RPS6KC1: variants seen among roughly 807,000 people sequenced by gnomAD.
RPS6KC1 encodes inactive ribosomal protein S6 kinase delta-1.
Under a neutral mutation model 103.8 loss-of-function variants are expected in RPS6KC1, and 54 were observed. The observed-to-expected ratio is 0.52, with a 90% CI of 0.42 to 0.65. RPS6KC1 has a LOEUF of 0.65. RPS6KC1 is among the 30% of genes least tolerant of loss of function. The pLI is 0.00. For missense variants in RPS6KC1, 1,151 were observed against 1,253.8 expected (o/e 0.92, Z 1.24); for synonymous variants, 439 against 438.7 (o/e 1.00, Z -0.01).
the RPS6KC1 span, among the ~76,000 whole-genome samples, chr1:213,344,265 T>C: frequency 6.6e-6 from 1 of 152,174 alleles, no homozygotes; most frequent in African/African-American, 2.4e-5. Context: ...CCAAGAGGAA[T>C]GTTTTTAAGA....
the RPS6KC1 span, among the ~76,000 whole-genome samples, chr1:213,610,407 C>T: frequency 1.3e-4 from 20 of 152,216 alleles, no homozygotes; most frequent in African/African-American, 4.8e-4. Context: ...AGCACTGAGA[C>T]GTGGAAGAGT....
At chr1:213,251,556 T>C (rs182698272) in intron 12 of RPS6KC1, among the ~76,000 whole-genome samples, 180 of 152,322 alleles carry the variant, frequency 1.2e-3, no homozygotes, top group African/African-American at 3.2e-3. Context: ...CCTGGAATAG[T>C]GCAGTCAGCT....
At chr1:213,376,326 A>G in the RPS6KC1 span, among the ~76,000 whole-genome samples, 1 of 152,126 alleles carries the variant, frequency 6.6e-6, no homozygotes, top group African/African-American at 2.4e-5. Context: ...TGCATTTTGA[A>G]TTATTGCATT....
chr1:213,527,551 C>G, the RPS6KC1 span, among the ~76,000 whole-genome samples: 1 of 152,120 alleles, frequency 6.6e-6, no homozygotes, highest in Non-Finnish European at 1.5e-5. Context: ...ACTAAGGAAG[C>G]TTATATGCTA....
intron 10 of RPS6KC1, among the ~76,000 whole-genome samples, chr1:213,237,541 G>C (rs2094250209): frequency 6.6e-6 from 1 of 151,760 alleles, no homozygotes; most frequent in Admixed American, 6.6e-5. Flanking sequence ...TGTATTTTTT[G>C]AGAATTATAT....
intron 6 of RPS6KC1, among the ~76,000 whole-genome samples, chr1:213,158,549 A>G (rs2090148439): frequency 6.6e-6 from 1 of 152,264 alleles, no homozygotes; most frequent in South Asian, 2.1e-4. Context: ...TATTCAGGGA[A>G]AGCAAAGTTT....
the RPS6KC1 span, among the ~76,000 whole-genome samples, chr1:213,657,292 GAA>G: frequency 6.6e-6 from 1 of 152,026 alleles, no homozygotes; most frequent in Non-Finnish European, 1.5e-5. Context: ...GGTAGTGAAT[GAA>G]AAAGAGATTG....
chr1:213,324,893 G>C, the RPS6KC1 span, among the ~76,000 whole-genome samples: 1 of 151,930 alleles, frequency 6.6e-6, no homozygotes, highest in African/African-American at 2.4e-5. Context: ...GTGTACACAT[G>C]GGGGGCAGAT....
chr1:213,254,721 A>G (rs1003203892), intron 12 of RPS6KC1, among the ~76,000 whole-genome samples: 1 of 152,232 alleles, frequency 6.6e-6, no homozygotes, highest in Non-Finnish European at 1.5e-5. Flanking sequence ...ACAAAAATCC[A>G]GGATTCTTTG....
intron 3 of RPS6KC1, among the ~76,000 whole-genome samples, chr1:213,099,439 A>C (rs149717072): frequency 6.6e-6 from 1 of 152,230 alleles, no homozygotes; most frequent in Non-Finnish European, 1.5e-5. Context: ...TAAAGTGCAG[A>C]TACCAGTGTC....
the RPS6KC1 span, among the ~76,000 whole-genome samples, chr1:213,461,578 A>C: frequency 6.6e-6 from 1 of 152,226 alleles, no homozygotes; most frequent in East Asian, 1.9e-4. Context: ...GTACCAAAAC[A>C]GATATGTAGA....
At chr1:213,062,574 T>G (rs2077938925) in intron 1 of RPS6KC1, among the ~76,000 whole-genome samples, 1 of 151,990 alleles carries the variant, frequency 6.6e-6, no homozygotes, top group African/African-American at 2.4e-5. Flanking sequence ...CTTTTTTTTT[T>G]TGGGGCGGAG....
At chr1:213,365,454 G>A in the RPS6KC1 span, among the ~76,000 whole-genome samples, 7 of 152,190 alleles carry the variant, frequency 4.6e-5, no homozygotes, top group Admixed American at 1.3e-4. Flanking sequence ...ATGCTGTAGT[G>A]CATTGTCTGT....
chr1:213,695,369 G>A, the RPS6KC1 span, among the ~76,000 whole-genome samples: 4 of 152,172 alleles, frequency 2.6e-5, no homozygotes, highest in African/African-American at 9.7e-5. Context: ...ATGCGAGTAG[G>A]TACAATACCT....
chr1:213,333,164 G>A, the RPS6KC1 span, among the ~76,000 whole-genome samples: 30 of 152,118 alleles, frequency 2.0e-4, 1 homozygote, highest in Admixed American at 1.2e-3. Context: ...TAGCTATTCC[G>A]GCATTTCTCT....
chr1:213,256,218 G>C (rs2094640127), intron 12 of RPS6KC1, among the ~76,000 whole-genome samples: 1 of 152,166 alleles, frequency 6.6e-6, no homozygotes, highest in Non-Finnish European at 1.5e-5. Context: ...TCATATCTGA[G>C]AGGAGGCAAG....
the RPS6KC1 span, among the ~76,000 whole-genome samples, chr1:213,562,217 A>C: frequency 6.6e-6 from 1 of 152,110 alleles, no homozygotes; most frequent in South Asian, 2.1e-4. Flanking sequence ...ATTTATTTGT[A>C]TAATGGTCAG....
the RPS6KC1 span, among the ~76,000 whole-genome samples, chr1:213,480,792 G>A: frequency 0.014 from 2,161 of 152,104 alleles, 50 homozygotes; most frequent in African/African-American, 0.044. Flanking sequence ...TTCTTATCAG[G>A]TTAAGGGAAT....
intron 8 of RPS6KC1, among the ~76,000 whole-genome samples, chr1:213,186,000 A>G (rs1387921023): frequency 6.6e-6 from 1 of 151,674 alleles, no homozygotes; most frequent in Non-Finnish European, 1.5e-5. Context: ...AAAAAAAACT[A>G]CACAAAAATA....
Sources: gnomAD v4.1 joint callset for allele counts (sites outside exome capture counted in the v4.1 genomes callset) on GRCh38, gnomAD v4.1.1 for gene constraint, MANE v1.5 for transcripts, NCBI Gene and HGNC (gene_info 2026-07-23, HGNC 2026-07-21) for gene names.